Variants in SLC71A1 observed in about 807,000 individuals in gnomAD.
The protein encoded by SLC71A1 is hippocampus abundant gene transcript 1.
At chr1:100,081,121 T>C in the SLC71A1 span, among the ~76,000 whole-genome samples, 2 of 152,238 alleles carry the variant, frequency 1.3e-5, no homozygotes, top group Non-Finnish European at 2.9e-5. Flanking sequence ...TTTAGCAGAG[T>C]TCTGTACTTA....
the SLC71A1 span, among the ~76,000 whole-genome samples, chr1:100,059,147 T>G: frequency 4.4e-5 from 5 of 112,878 alleles, 1 homozygote; most frequent in African/African-American, 2.0e-4. Context: ...TTTTCGTGTT[T>G]TTTTTTTTTT....
chr1:100,038,422 C>T, the SLC71A1 span: 13 of 916,190 alleles, frequency 1.4e-5, no homozygotes, highest in Non-Finnish European at 2.3e-5. Context: ...TCCCTCCCTT[C>T]CCCCACCCTG....
At chr1:100,074,431 T>C in the SLC71A1 span, among the ~76,000 whole-genome samples, 1 of 151,556 alleles carries the variant, frequency 6.6e-6, no homozygotes, top group Non-Finnish European at 1.5e-5. Context: ...AAAAAAAATT[T>C]AGCTGGGCAT....
At chr1:100,059,834 C>T in the SLC71A1 span, 1 of 1,518,148 alleles carries the variant, frequency 6.6e-7, no homozygotes, top group East Asian at 2.4e-5. Context: ...TTGGTTCATG[C>T]TCATAGATGT....
the SLC71A1 span, chr1:100,079,702 GA>G: frequency 6.6e-6 from 1 of 152,318 alleles, no homozygotes; most frequent in Non-Finnish European, 1.5e-5. Flanking sequence ...CCAACATGGT[GA>G]AACCCTGTCT....
chr1:100,059,144 G>GT, the SLC71A1 span, among the ~76,000 whole-genome samples: 964 of 75,406 alleles, frequency 0.013, 153 homozygotes, highest in South Asian at 0.033. Context: ...TCTTTTTCGT[G>GT]TTTTTTTTTT....
chr1:100,049,922 G>A, the SLC71A1 span: 1 of 1,596,092 alleles, frequency 6.3e-7, no homozygotes, highest in Non-Finnish European at 8.5e-7. Flanking sequence ...CAAGGAATAG[G>A]TTCTCCTAGT....
At chr1:100,068,537 A>G in the SLC71A1 span, 3 of 1,613,860 alleles carry the variant, frequency 1.9e-6, no homozygotes, top group Admixed American at 1.7e-5. Flanking sequence ...TTTCTCTCCT[A>G]CCTACCGGAG....
chr1:100,062,184 A>T, the SLC71A1 span: 2 of 390,292 alleles, frequency 5.1e-6, no homozygotes, highest in Non-Finnish European at 9.0e-6. Context: ...AATTGAAATT[A>T]TAGTATATTT....
the SLC71A1 span, among the ~76,000 whole-genome samples, chr1:100,066,007 C>G: frequency 2.0e-5 from 3 of 152,228 alleles, no homozygotes; most frequent in East Asian, 5.8e-4. Context: ...TTCCTGCTGT[C>G]ACATCTGCTA....
the SLC71A1 span, among the ~76,000 whole-genome samples, chr1:100,050,221 T>G: frequency 1.3e-5 from 2 of 152,124 alleles, no homozygotes; most frequent in Non-Finnish European, 2.9e-5. Context: ...TTTGGACTTG[T>G]CACTGGGCAT....
At chr1:100,068,057 G>A in the SLC71A1 span, 1 of 1,614,152 alleles carries the variant, frequency 6.2e-7, no homozygotes, top group Non-Finnish European at 8.5e-7. Flanking sequence ...GGGACAGCTT[G>A]GTGGTGGTCT....
the SLC71A1 span, among the ~76,000 whole-genome samples, chr1:100,056,031 G>A: frequency 2.0e-5 from 3 of 152,276 alleles, no homozygotes; most frequent in Middle Eastern, 3.4e-3. Flanking sequence ...GATTACAGGC[G>A]TGAGCCACCA....
chr1:100,058,284 T>C, the SLC71A1 span, among the ~76,000 whole-genome samples: 1 of 152,234 alleles, frequency 6.6e-6, no homozygotes, highest in Non-Finnish European at 1.5e-5. Context: ...ATAAGTCAGT[T>C]ATTTTGGGGA....
the SLC71A1 span, among the ~76,000 whole-genome samples, chr1:100,076,975 A>T: frequency 1.3e-5 from 2 of 152,188 alleles, no homozygotes; most frequent in African/African-American, 4.8e-5. Context: ...CTCAGTCTGG[A>T]TCTATGTCAG....
chr1:100,079,991 C>T, the SLC71A1 span: 1 of 152,978 alleles, frequency 6.5e-6, no homozygotes, highest in Admixed American at 6.5e-5. Context: ...CCCTAGGCAA[C>T]AAAGTGAGAC....
the SLC71A1 span, among the ~76,000 whole-genome samples, chr1:100,065,575 T>TTTCCC: frequency 4.0e-4 from 59 of 145,960 alleles, no homozygotes; most frequent in Middle Eastern, 3.5e-3. Context: ...CCTTTTCTCT[T>TTTCCC]TTCCCTTCCC....
chr1:100,052,455 G>T, the SLC71A1 span, among the ~76,000 whole-genome samples: 1 of 132,528 alleles, frequency 7.5e-6, no homozygotes. Flanking sequence ...TTGAGACGGA[G>T]TCTCGCTCTG....
chr1:100,038,352 G>T, the SLC71A1 span: 3 of 1,539,132 alleles, frequency 1.9e-6, no homozygotes, highest in African/African-American at 4.1e-5. Context: ...CGTCCCTCGG[G>T]GCCCCCATCC....
Sources: allele counts gnomAD v4.1 joint callset (sites outside exome capture counted in the v4.1 genomes callset), GRCh38; gene constraint gnomAD v4.1.1; transcripts MANE v1.5; gene names NCBI Gene and HGNC (gene_info 2026-07-23, HGNC 2026-07-21).